The following POM121C variants were observed in gnomAD, a reference collection of about 807,000 sequenced individuals.
POM121C encodes the protein POM121 transmembrane nucleoporin C.
In POM121C, 20 loss-of-function variants were observed where a neutral mutation model predicts 66.4. The observed-to-expected ratio is 0.30, with a 90% CI of 0.21 to 0.44. The LOEUF (loss-of-function observed/expected upper bound fraction) is 0.44, where lower values mean the gene tolerates loss of function less well. Ranked by LOEUF, POM121C falls within the 20% of genes least tolerant of loss-of-function variation. The pLI, the probability that POM121C is intolerant of heterozygous loss-of-function variation, is 1.00. For missense variants in POM121C, 580 were observed against 1,225.7 expected (o/e 0.47, Z 7.87); for synonymous variants, 286 against 528.0 (o/e 0.54, Z 6.28).
chr7:75,436,702 G>A (rs1254607806), intron 7 of POM121C, among the ~76,000 whole-genome samples: 1 of 152,006 alleles, frequency 6.6e-6, no homozygotes, highest in Non-Finnish European at 1.5e-5. Flanking sequence ...CTCAATCATT[G>A]CAACAGCACT....
rs236666 is a variant in POM121C, at chr7:75,424,193, G to A, written c.904C>T (p.Pro302Ser). ...AASNSVTETP[P>S]TTQPSFTFTL... ...AAGGTAAATGAAGGCTGAGTGGTAG[G>A]TGGGGTCTCAGTGACAGAGTTCGAG... Residue 302 changes from proline (P) to serine (S), a missense_variant, in exon 12 of 15, where the codon CCT (proline) becomes TCT (serine). Coordinates refer to ENST00000615331, the MANE Select transcript of POM121C (RefSeq NM_001099415.3). 10 of 1,611,900 alleles carry A rather than the reference G, an allele frequency of 6.2e-6. No individual in the cohort carries two copies. The highest frequency in any genetic ancestry group is 2.2e-5 in the East Asian group (1 of 44,898).
intron 14 of POM121C, 94 bp from the exon 15 acceptor site, chr7:75,418,987 A>G: frequency 6.8e-7 from 1 of 1,477,358 alleles, no homozygotes; most frequent in Non-Finnish European, 9.0e-7. Flanking sequence ...CCAGTAATAA[A>G]ACACAGGGTG....
At chr7:75,442,878 T>C (rs1190504011) in intron 3 of POM121C, 36 of 836,140 alleles carry the variant, frequency 4.3e-5, no homozygotes, top group Non-Finnish European at 5.0e-5. Context: ...GCTGCCTGCC[T>C]TCAACGCCTG....
intron 1 of POM121C, among the ~76,000 whole-genome samples, chr7:75,476,898 A>C (rs1554479447): frequency 2.6e-5 from 4 of 152,152 alleles, no homozygotes; most frequent in East Asian, 1.9e-4. Context: ...AAAGAAGAAA[A>C]ATCTTGTATC....
chr7:75,433,418 C>T lies in POM121C; in HGVS notation c.480+4097G>A, dbSNP rs587735397. 1.3e-4 allele frequency among the ~76,000 whole-genome samples: 19 copies of T among 151,790 alleles called. No homozygotes were observed. The South Asian group carries it at 2.3e-3, about 18-fold the overall frequency. ...TCGCCCAGGCTGGAGTGTAGTGGCG[C>T]GGTCTCTGCTTACTGCAAGCTCCGC... On this transcript the variant is annotated intron_variant, in intron 7 of 14. Coordinates refer to ENST00000615331, the MANE Select transcript of POM121C (RefSeq NM_001099415.3).
chr7:75,423,722 A>G (rs1554471271), intron 12 of POM121C, among the ~76,000 whole-genome samples: 2 of 152,220 alleles, frequency 1.3e-5, no homozygotes, highest in Non-Finnish European at 2.9e-5. Context: ...AGTAGTTCTG[A>G]CAGGCAAGGA....
chr7:75,482,815 G>A (rs1296219472), intron 1 of POM121C, among the ~76,000 whole-genome samples: 2 of 152,264 alleles, frequency 1.3e-5, no homozygotes, highest in Middle Eastern at 3.4e-3. Flanking sequence ...CAGTTTGGAA[G>A]TAACGGATGT....
At chr7:75,433,419 G>A (rs1392906600) in intron 7 of POM121C, among the ~76,000 whole-genome samples, 10 of 151,636 alleles carry the variant, frequency 6.6e-5, no homozygotes, top group Admixed American at 3.3e-4. Flanking sequence ...GTAGTGGCGC[G>A]GTCTCTGCTT....
intron 7 of POM121C, among the ~76,000 whole-genome samples, chr7:75,427,080 G>A (rs1362305050): frequency 6.6e-6 from 1 of 151,198 alleles, no homozygotes; most frequent in African/African-American, 2.4e-5. Flanking sequence ...AACTAATTTA[G>A]TCTTGCTTCC....
chr7:75,440,921 G>A, intron 5 of POM121C, 33 bp downstream of exon 5: 1 of 1,613,862 alleles, frequency 6.2e-7, no homozygotes, highest in Non-Finnish European at 8.5e-7. Flanking sequence ...GTCCAAGCGG[G>A]AAACTGGCTT....
At chr7:75,470,112 C>T (rs1224145291) in intron 3 of POM121C, among the ~76,000 whole-genome samples, 1 of 150,902 alleles carries the variant, frequency 6.6e-6, no homozygotes, top group East Asian at 1.9e-4. Context: ...GACGGGGTTT[C>T]GCCATGTTAC....
At position 75,417,695 on chromosome 7, in the gene POM121C, G is replaced by A; in HGVS notation, c.*1101C>T. 1.0e-6 allele frequency: 1 copy of A among 985,780 alleles called. No individual in the cohort carries two copies. The highest frequency in any genetic ancestry group is 1.2e-6 in the Non-Finnish European group (1 of 829,906). The allele number at this position is 985,780 out of a possible 1,614,324, so 61.1% of individuals were successfully genotyped here. A position where few individuals can be genotyped will look rare whatever the true frequency, so the allele number is the denominator to read the frequency against. On this transcript the variant is annotated 3_prime_UTR_variant, in exon 15 of 15. Coordinates refer to ENST00000615331, the MANE Select transcript of POM121C (RefSeq NM_001099415.3). ...TCAGTTAAGTGGGACAGAAACCGCA[G>A]AGGGAAGAGGTCTTTGCTTCCCCTG...
Position 75,440,936 on chromosome 7 carries a change from C to A in POM121C, c.227+18G>T, listed in dbSNP as rs1466960736. On this transcript the variant is annotated intron_variant, in intron 5 of 14. Coordinates refer to ENST00000615331, the MANE Select transcript of POM121C (RefSeq NM_001099415.3). ...GTCCAAGCGGGAAACTGGCTTAGTACTCTCCTGAGCCTGTTACCTTCTTTT... is the reference window on the plus strand; with the variant it reads ...GTCCAAGCGGGAAACTGGCTTAGTAATCTCCTGAGCCTGTTACCTTCTTTT... 8 of 1,613,828 alleles carry A rather than the reference C, an allele frequency of 5.0e-6. No individual in the cohort carries two copies. The African/African-American group carries it at 9.3e-5, about 19-fold the overall frequency.
chr7:75,419,248 C>T, intron 14 of POM121C, 72 bp downstream of exon 14: 2 of 1,524,896 alleles, frequency 1.3e-6, no homozygotes, highest in Non-Finnish European at 1.8e-6. Context: ...CCTCAGAGGG[C>T]CAGGAGCCTG....
chr7:75,438,199 GGACA>G (rs1439536925), intron 6 of POM121C, among the ~76,000 whole-genome samples: 3 of 152,136 alleles, frequency 2.0e-5, no homozygotes, highest in African/African-American at 4.8e-5. Context: ...CTTTCCTGTA[GGACA>G]GTCATCCAAC....
At chr7:75,427,931 C>G (rs1183821765) in intron 7 of POM121C, among the ~76,000 whole-genome samples, 2 of 152,020 alleles carry the variant, frequency 1.3e-5, no homozygotes, top group African/African-American at 4.8e-5. Flanking sequence ...AGACTGCTCA[C>G]GGCAATAACA....
intron 3 of POM121C, among the ~76,000 whole-genome samples, chr7:75,456,750 GACA>G (rs1253150192): frequency 3.7e-4 from 57 of 152,342 alleles, no homozygotes; most frequent in African/African-American, 1.3e-3. Context: ...AAGTTATCAA[GACA>G]ACAATTTTCA....
intron 3 of POM121C, among the ~76,000 whole-genome samples, chr7:75,458,809 A>G (rs1791342960): frequency 6.6e-6 from 1 of 152,178 alleles, no homozygotes; most frequent in Non-Finnish European, 1.5e-5. Context: ...CAGAAAAATT[A>G]CTCCTCATAC....
intron 3 of POM121C, among the ~76,000 whole-genome samples, chr7:75,456,549 C>T (rs1458536106): frequency 6.6e-6 from 1 of 152,174 alleles, no homozygotes; most frequent in Non-Finnish European, 1.5e-5. Flanking sequence ...CTGGAGAGGT[C>T]GCACGAGCCA....
Sources: allele counts gnomAD v4.1 joint callset (sites outside exome capture counted in the v4.1 genomes callset), GRCh38; gene constraint gnomAD v4.1.1; transcripts MANE v1.5; gene names NCBI Gene and HGNC (gene_info 2026-07-23, HGNC 2026-07-21).